The following KIF1B variants were observed in gnomAD, a reference collection of about 807,000 sequenced individuals.
KIF1B encodes kinesin-like protein KIF1B.
KIF1B carries 76 observed loss-of-function variants against 241.9 expected under a neutral mutation model. That is an observed-to-expected ratio of 0.31 (90% confidence interval 0.26 to 0.38). The LOEUF (loss-of-function observed/expected upper bound fraction) is 0.38, where lower values mean the gene tolerates loss of function less well. KIF1B is among the 10% of genes least tolerant of loss of function. The pLI is 1.00. For missense variants in KIF1B, 1,622 were observed against 2,271.4 expected (o/e 0.71, Z 5.81); for synonymous variants, 750 against 796.7 (o/e 0.94, Z 0.99).
Position 10,374,717 on chromosome 1 carries a change from G to GT in KIF1B, c.5097-137_5097-136insT. On this transcript the variant is annotated intron_variant, in intron 46 of 48. Transcript: ENST00000676179. The surrounding 1 kb of genome is among the most constrained non-coding windows in gnomAD (Gnocchi z 4.3). Reference sequence around the variant, plus strand: ...TTTGCCGTATTACTTTGGCAGATAAGATTCTAGGCCAAATAGGTCATTTGC... The same window carrying GT: ...TTTGCCGTATTACTTTGGCAGATAAGTATTCTAGGCCAAATAGGTCATTTGC... 3.1e-6 allele frequency: 3 copies of GT among 970,782 alleles called. No homozygotes were observed. The highest frequency in any genetic ancestry group is 4.8e-6 in the Non-Finnish European group (3 of 619,636). The allele number at this position is 970,782 out of a possible 1,614,324, so 60.1% of individuals were successfully genotyped here. A position where few individuals can be genotyped will look rare whatever the true frequency, so the allele number is the denominator to read the frequency against.
intron 2 of KIF1B, among the ~76,000 whole-genome samples, chr1:10,241,090 T>C (rs1238147938): frequency 2.6e-5 from 4 of 152,096 alleles, no homozygotes; most frequent in African/African-American, 9.7e-5. Context: ...ATTTTAAAAA[T>C]TATGTAAGTT....
At chr1:10,348,070 TC>T (rs1263039006) in intron 36 of KIF1B, among the ~76,000 whole-genome samples, 2 of 152,206 alleles carry the variant, frequency 1.3e-5, no homozygotes, top group African/African-American at 4.8e-5. Context: ...ATATTTTGTT[TC>T]ATTCAATTAC....
In KIF1B at chr1:10,308,090, A is replaced by G. The variant is rs541987977; in HGVS notation, c.2115+10844A>G. ...GCATTAAAGGCTGTTTTACTACCGGAAGTTACATAGACTTCCTGCAGTCAG... is the reference window on the plus strand; with the variant it reads ...GCATTAAAGGCTGTTTTACTACCGGGAGTTACATAGACTTCCTGCAGTCAG... On this transcript the variant is annotated intron_variant, in intron 22 of 48. Coordinates refer to ENST00000676179, the MANE Select transcript of KIF1B (RefSeq NM_001365951.3). The G allele has an allele frequency of 5.7e-6, 6 of 1,060,456 alleles. No individual in the cohort carries two copies. In the East Asian group the frequency reaches 2.1e-4, roughly 36 times the overall value. 65.7% of individuals were successfully genotyped at this position (1,060,456 alleles called of 1,614,324 possible). A position where few individuals can be genotyped will look rare whatever the true frequency, so the allele number is the denominator to read the frequency against.
At chr1:10,348,596 AGAG>A in intron 36 of KIF1B, 50 bp from the exon 37 acceptor site, 2 of 1,355,878 alleles carry the variant, frequency 1.5e-6, no homozygotes, top group Non-Finnish European at 2.1e-6. Flanking sequence ...ACAGTAGACG[AGAG>A]GAGATAATAG....
chr1:10,277,632 C>G (rs893744295), intron 12 of KIF1B, among the ~76,000 whole-genome samples: 4 of 152,102 alleles, frequency 2.6e-5, no homozygotes, highest in Non-Finnish European at 5.9e-5. Flanking sequence ...AGCTGCCTCC[C>G]GAGGCCTGTA....
Position 10,256,133 on chromosome 1 carries a change from A to G in KIF1B, c.107-114A>G, listed in dbSNP as rs1315467811. ...CTATTAATTTTTGATTGCCCTATTC[A>G]GATTTAGTGGTATGAATTTACTGAT... On this transcript the variant is annotated intron_variant, in intron 2 of 48. Coordinates refer to ENST00000676179, the MANE Select transcript of KIF1B (RefSeq NM_001365951.3). The G allele has an allele frequency of 1.5e-5, 11 of 739,676 alleles. No individual in the cohort carries two copies. In the East Asian group the frequency reaches 2.6e-4, roughly 18 times the overall value. The allele number at this position is 739,676 out of a possible 1,614,324, so 45.8% of individuals were successfully genotyped here. A position where few individuals can be genotyped will look rare whatever the true frequency, so the allele number is the denominator to read the frequency against.
rs376175531 is a variant in KIF1B, at chr1:10,277,057, G to A, written c.1037+658G>A. ...GATGGCGCCACTGCACTCCAGCCTG[G>A]AGACAGAGCGAGACTCCATCTCAAA... On this transcript the variant is annotated intron_variant, in intron 12 of 48. Transcript: ENST00000676179. 4.7e-3 allele frequency among the ~76,000 whole-genome samples: 706 copies of A among 150,608 alleles called. 3 individuals are homozygous for A. Among genetic ancestry groups the A allele is most frequent in the African/African-American group, 0.016 (652 of 40,938 alleles).
intron 1 of KIF1B, among the ~76,000 whole-genome samples, chr1:10,211,943 T>C (rs997807874): frequency 1.3e-5 from 2 of 152,160 alleles, no homozygotes; most frequent in Non-Finnish European, 2.9e-5. Context: ...TCAGAGTCGC[T>C]CGACTTGCAG....
At chr1:10,346,319 A>G (rs1234354188) in intron 35 of KIF1B, among the ~76,000 whole-genome samples, 1 of 152,186 alleles carries the variant, frequency 6.6e-6, no homozygotes, top group Non-Finnish European at 1.5e-5. Flanking sequence ...CGTTAGCAAC[A>G]GCAAAATCAT....
At chr1:10,349,721 A>G (rs997723606) in intron 37 of KIF1B, among the ~76,000 whole-genome samples, 9 of 152,160 alleles carry the variant, frequency 5.9e-5, no homozygotes, top group Admixed American at 2.0e-4. Flanking sequence ...GAGTGGAGAA[A>G]GTAAATTAAG....
At position 10,224,663 on chromosome 1, in the gene KIF1B, A is replaced by G. The variant is rs145403935; in HGVS notation, c.-79-7587A>G. Among the ~76,000 whole-genome samples, 10 of 152,288 alleles carry G rather than the reference A, an allele frequency of 6.6e-5. No homozygotes were observed. In the East Asian group the frequency reaches 1.4e-3, roughly 21 times the overall value. On this transcript the variant is annotated intron_variant, in intron 1 of 48. Coordinates refer to ENST00000676179, the MANE Select transcript of KIF1B (RefSeq NM_001365951.3). Reference sequence around the variant, plus strand: ...GGTCTTGAACTTCTGGCCTCAAGCAATTCTTTCACTTTAGCCTCCCAAAGT... The same window carrying G: ...GGTCTTGAACTTCTGGCCTCAAGCAGTTCTTTCACTTTAGCCTCCCAAAGT...
chr1:10,254,241 G>A (rs755726497), intron 2 of KIF1B, among the ~76,000 whole-genome samples: 5 of 152,176 alleles, frequency 3.3e-5, no homozygotes, highest in Non-Finnish European at 7.3e-5. Context: ...TTTAATGTGG[G>A]TGGTGAGACT....
At chr1:10,296,701 T>G (rs1290314971) in intron 20 of KIF1B, 36 bp downstream of exon 20, 1 of 1,570,142 alleles carries the variant, frequency 6.4e-7, no homozygotes, top group East Asian at 2.2e-5. Flanking sequence ...TTCAGCAATG[T>G]GCACATGGCT....
intron 2 of KIF1B, among the ~76,000 whole-genome samples, chr1:10,232,775 C>T (rs1389114734): frequency 6.6e-6 from 1 of 152,142 alleles, no homozygotes; most frequent in East Asian, 1.9e-4. Context: ...CTGCAAGATT[C>T]ATTGTTTTTC....
chr1:10,221,318 G>A (rs1253132401), intron 1 of KIF1B, among the ~76,000 whole-genome samples: 2 of 151,898 alleles, frequency 1.3e-5, no homozygotes, highest in Non-Finnish European at 2.9e-5. Context: ...GGCTGGTCTC[G>A]AACTCCTGAC....
intron 2 of KIF1B, among the ~76,000 whole-genome samples, chr1:10,243,647 G>A (rs1268103065): frequency 1.3e-5 from 2 of 152,174 alleles, no homozygotes; most frequent in East Asian, 3.8e-4. Flanking sequence ...GAGGGAAGTA[G>A]AAAATGAAGT....
chr1:10,235,603 G>A (rs191583481), intron 2 of KIF1B, among the ~76,000 whole-genome samples: 30 of 152,268 alleles, frequency 2.0e-4, no homozygotes, highest in African/African-American at 6.5e-4. Flanking sequence ...GCTCATGCCT[G>A]TAATCCCTGC....
intron 2 of KIF1B, among the ~76,000 whole-genome samples, chr1:10,248,239 A>T (rs571522522): frequency 1.8e-4 from 28 of 152,196 alleles, no homozygotes; most frequent in African/African-American, 6.3e-4. Flanking sequence ...TATGTTGCCC[A>T]GGCTGGATGG....
At chr1:10,281,097 CACTGGCTTTAAGGGAGTTAAAAA>C (rs1440081933) in intron 14 of KIF1B, among the ~76,000 whole-genome samples, 1 of 152,072 alleles carries the variant, frequency 6.6e-6, no homozygotes, top group Non-Finnish European at 1.5e-5. Flanking sequence ...TTGAAGCAAC[CACTGGCTTTAAGGGAGTTAAAAA>C]ACTGGCTTTA....
Sources: gnomAD v4.1 joint callset for allele counts (sites outside exome capture counted in the v4.1 genomes callset) on GRCh38, gnomAD v4.1.1 for gene constraint, Gnocchi (gnomAD v3.1) non-coding constraint, MANE v1.5 for transcripts, NCBI Gene and HGNC (gene_info 2026-07-23, HGNC 2026-07-21) for gene names.